The following NCAM2 variants were observed in gnomAD, a reference collection of about 807,000 sequenced individuals.
The protein encoded by NCAM2 is neural cell adhesion molecule 2.
NCAM2 carries 30 observed loss-of-function variants against 98.1 expected under a neutral mutation model. The ratio of observed to expected loss-of-function variants is 0.31; its 90% CI spans 0.23 to 0.41. NCAM2 has a LOEUF of 0.41. Among genes scored for constraint, NCAM2 ranks in the 10% least tolerant of loss-of-function variants. The pLI is 1.00. For synonymous variants in NCAM2, 368 were observed against 342.4 expected (o/e 1.07, Z -0.83); for missense variants, 867 against 1,005.8 (o/e 0.86, Z 1.87).
At chr21:21,144,957 C>T (rs564966887) in intron 1 of NCAM2, among the ~76,000 whole-genome samples, 4 of 152,034 alleles carry the variant, frequency 2.6e-5, no homozygotes, top group South Asian at 4.2e-4. Flanking sequence ...TAATATAGGA[C>T]GCTGAAAGAA....
intron 1 of NCAM2, among the ~76,000 whole-genome samples, chr21:21,269,456 T>C (rs2072412865): frequency 6.6e-6 from 1 of 152,156 alleles, no homozygotes; most frequent in Non-Finnish European, 1.5e-5. Context: ...ATGAGTAAAT[T>C]GTTAGATATT....
chr21:21,321,226 C>T (rs2074366495), intron 5 of NCAM2, among the ~76,000 whole-genome samples: 1 of 152,032 alleles, frequency 6.6e-6, no homozygotes. Context: ...TGAGAAATGT[C>T]TGTTCATGTC....
At chr21:21,086,327 T>A (rs2065905257) in intron 1 of NCAM2, among the ~76,000 whole-genome samples, 1 of 152,192 alleles carries the variant, frequency 6.6e-6, no homozygotes, top group African/African-American at 2.4e-5. Flanking sequence ...AAGGACAATT[T>A]AAATGAAGGG....
In NCAM2 at chr21:21,411,071, CACACACATAT is replaced by C. The variant is rs2076858531; in HGVS notation, c.1383+612_1383+621del. Among the ~76,000 whole-genome samples the C allele has an allele frequency of 8.4e-4, 7 of 8,310 alleles. 2 individuals carry two copies. Among genetic ancestry groups the C allele is most frequent in the Admixed American group, 3.4e-3 (3 of 880 alleles). 5.5% of individuals were successfully genotyped at this position (8,310 alleles called of 152,430 possible). The stretch of plus-strand genomic sequence containing the variant: ...ATGTGTGTGTATATATATATATATA[CACACACATAT>C]ATATATGTGTGTATATATATACATA... On this transcript the variant is annotated intron_variant, in intron 10 of 17. Coordinates refer to ENST00000400546, the MANE Select transcript of NCAM2 (RefSeq NM_004540.5).
intron 11 of NCAM2, among the ~76,000 whole-genome samples, chr21:21,428,391 G>C (rs1040829570): frequency 3.3e-5 from 5 of 152,192 alleles, no homozygotes; most frequent in Non-Finnish European, 5.9e-5. Context: ...GATAATCCAG[G>C]ATCCTGAACA....
intron 1 of NCAM2, among the ~76,000 whole-genome samples, chr21:21,046,405 A>T (rs1257523515): frequency 6.6e-6 from 1 of 152,170 alleles, no homozygotes; most frequent in Non-Finnish European, 1.5e-5. Flanking sequence ...CTCAATGACC[A>T]GTACTAAATT....
rs190741777 is a variant in NCAM2 at position 21,466,646 on chromosome 21, T to C, written c.1695T>C (p.Tyr565=). 114 of 1,609,096 alleles carry C rather than the reference T, an allele frequency of 7.1e-5. 1 individual carries two copies. The African/African-American group carries it at 1.4e-3, about 20-fold the overall frequency. Residue 565 remains tyrosine (Y), a synonymous_variant, in exon 13 of 18, where the codon TAT becomes TAC. Coordinates refer to ENST00000400546, the MANE Select transcript of NCAM2 (RefSeq NM_004540.5). ...VLNNLEPNTT[Y]EIRVAAVNGK... is the part of the protein sequence containing the mutation. ...ACAACCTGGAACCAAATACAACTTA[T>C]GAAATCAGGGTTGCAGCTGTAAATG...
intron 1 of NCAM2, among the ~76,000 whole-genome samples, chr21:21,176,262 C>G (rs1330303831): frequency 1.3e-5 from 2 of 152,034 alleles, no homozygotes; most frequent in South Asian, 4.1e-4. Flanking sequence ...CATTATAAGC[C>G]TGTATTGATA....
intron 1 of NCAM2, among the ~76,000 whole-genome samples, chr21:21,051,484 T>C (rs183971298): frequency 2.6e-5 from 4 of 152,358 alleles, no homozygotes; most frequent in East Asian, 3.9e-4. Flanking sequence ...TAAATGGATA[T>C]CAAATTGCGC....
intron 1 of NCAM2, among the ~76,000 whole-genome samples, chr21:21,139,349 T>C (rs959559874): frequency 1.3e-5 from 2 of 152,212 alleles, no homozygotes; most frequent in Admixed American, 1.3e-4. Context: ...TGTGAGAAAA[T>C]ACATTTTTGT....
At chr21:21,520,883 G>A (rs1988977479) in intron 16 of NCAM2, among the ~76,000 whole-genome samples, 1 of 151,186 alleles carries the variant, frequency 6.6e-6, no homozygotes, top group African/African-American at 2.5e-5. Flanking sequence ...ACTCCAGGAT[G>A]ACTTAGTCAT....
intron 2 of NCAM2, among the ~76,000 whole-genome samples, chr21:21,283,553 TA>T (rs1287022155): frequency 7.2e-5 from 11 of 152,034 alleles, no homozygotes; most frequent in African/African-American, 2.6e-4. Context: ...AATAAATAGT[TA>T]ACAGTTTTAG....
At chr21:21,046,151 T>TA (rs1387272208) in intron 1 of NCAM2, among the ~76,000 whole-genome samples, 1 of 152,218 alleles carries the variant, frequency 6.6e-6, no homozygotes, top group Non-Finnish European at 1.5e-5. Context: ...CTATAGCTGT[T>TA]ACCCATGTTT....
At chr21:21,273,233 T>C (rs2072596540) in intron 1 of NCAM2, among the ~76,000 whole-genome samples, 1 of 152,220 alleles carries the variant, frequency 6.6e-6, no homozygotes, top group South Asian at 2.1e-4. Flanking sequence ...GTATCTACTT[T>C]ATAGAAATGT....
chr21:21,517,586 G>T (rs371655825), intron 16 of NCAM2, among the ~76,000 whole-genome samples: 1 of 152,074 alleles, frequency 6.6e-6, no homozygotes, highest in African/African-American at 2.4e-5. Flanking sequence ...AGCCAGGGGC[G>T]GTGGCTCACC....
At chr21:21,011,954 T>C (rs2064220226) in intron 1 of NCAM2, among the ~76,000 whole-genome samples, 1 of 152,058 alleles carries the variant, frequency 6.6e-6, no homozygotes, top group Non-Finnish European at 1.5e-5. Flanking sequence ...ACCTGGTAGA[T>C]TGTCTGTTAT....
At chr21:21,421,289 A>G (rs898359066) in intron 11 of NCAM2, among the ~76,000 whole-genome samples, 1 of 152,036 alleles carries the variant, frequency 6.6e-6, no homozygotes, top group African/African-American at 2.4e-5. Context: ...TTTGATTCCT[A>G]TCCTTCTAGT....
At chr21:21,364,068 A>C (rs1408345017) in intron 8 of NCAM2, among the ~76,000 whole-genome samples, 4 of 151,950 alleles carry the variant, frequency 2.6e-5, no homozygotes, top group Non-Finnish European at 5.9e-5. Context: ...CTGAAAAGCA[A>C]CTCAGTGGAG....
chr21:21,352,942 T>G (rs1420082324), intron 8 of NCAM2, among the ~76,000 whole-genome samples: 1 of 151,834 alleles, frequency 6.6e-6, no homozygotes, highest in East Asian at 1.9e-4. Context: ...CAACTTCCGC[T>G]TTTCGGGTTC....
Sources: allele counts gnomAD v4.1 joint callset (sites outside exome capture counted in the v4.1 genomes callset), GRCh38; gene constraint gnomAD v4.1.1; transcripts MANE v1.5; gene names NCBI Gene and HGNC (gene_info 2026-07-23, HGNC 2026-07-21).